ARID1B: variants seen among roughly 807,000 people sequenced by gnomAD.
ARID1B encodes the protein AT-rich interactive domain-containing protein 1B.
A neutral mutation model predicts 212.3 loss-of-function variants in ARID1B; 30 were observed. The ratio of observed to expected loss-of-function variants is 0.14; its 90% CI spans 0.11 to 0.19. The LOEUF (loss-of-function observed/expected upper bound fraction) is 0.19. Among genes scored for constraint, ARID1B ranks in the 10% least tolerant of loss-of-function variants. The probability of loss-of-function intolerance (pLI) is 1.00; values close to 1 mark genes in which losing one functional copy is unlikely to be tolerated. For missense variants in ARID1B, 2,891 were observed against 3,204.0 expected, an observed-to-expected ratio of 0.90 and a Z score of 2.36; for synonymous variants, 1,402 against 1,301.7, an observed-to-expected ratio of 1.08 and a Z score of -1.66.
chr6:156,947,689 AG>A (rs1304476499), intron 4 of ARID1B, among the ~76,000 whole-genome samples: 7 of 151,836 alleles, frequency 4.6e-5, no homozygotes, highest in Admixed American at 1.3e-4. Context: ...ATTTTTAAAA[AG>A]GCCTGTCATT....
intron 5 of ARID1B, among the ~76,000 whole-genome samples, chr6:157,101,797 GATAGA>G (rs1562618913): frequency 6.6e-6 from 1 of 152,156 alleles, no homozygotes; most frequent in African/African-American, 2.4e-5. Context: ...AAATTGGAAG[GATAGA>G]ATGGATCTGA....
chr6:157,106,756 A>G (rs1023981548), intron 5 of ARID1B, among the ~76,000 whole-genome samples: 2 of 152,208 alleles, frequency 1.3e-5, no homozygotes, highest in African/African-American at 4.8e-5. Flanking sequence ...GGTGTTACTC[A>G]TTGGAGGTTA....
chr6:157,000,019 T>TG (rs1778819249), intron 4 of ARID1B, among the ~76,000 whole-genome samples: 1 of 152,128 alleles, frequency 6.6e-6, no homozygotes, highest in Non-Finnish European at 1.5e-5. Flanking sequence ...GCTGATTTCT[T>TG]TTGGGCAGTC....
intron 4 of ARID1B, among the ~76,000 whole-genome samples, chr6:157,026,309 C>T (rs1232538363): frequency 6.6e-6 from 1 of 152,220 alleles, no homozygotes; most frequent in African/African-American, 2.4e-5. Flanking sequence ...ATACTGCTTT[C>T]TGTGGTGTAG....
At chr6:156,911,515 A>G (rs1051977735) in intron 3 of ARID1B, among the ~76,000 whole-genome samples, 4 of 152,034 alleles carry the variant, frequency 2.6e-5, no homozygotes, top group East Asian at 1.9e-4. Flanking sequence ...TGTCCTTGTG[A>G]CAACTAACTA....
At chr6:156,856,672 CCTCTCTCT>C (rs367924636) in intron 2 of ARID1B, among the ~76,000 whole-genome samples, 1 of 108,728 alleles carries the variant, frequency 9.2e-6, no homozygotes, top group Admixed American at 9.0e-5. Flanking sequence ...GCATGCATAT[CCTCTCTCT>C]CTCTCTCTCT....
intron 16 of ARID1B, among the ~76,000 whole-genome samples, chr6:157,197,754 TTA>T (rs1385139061): frequency 2.0e-5 from 3 of 152,288 alleles, no homozygotes; most frequent in Non-Finnish European, 4.4e-5. Context: ...AGAAGAACAA[TTA>T]TCTGGGCTCT....
At chr6:157,018,503 C>T (rs1487713420) in intron 4 of ARID1B, among the ~76,000 whole-genome samples, 1 of 152,130 alleles carries the variant, frequency 6.6e-6, no homozygotes, top group Admixed American at 6.5e-5. Flanking sequence ...CGTGAGCCAC[C>T]GTGCCCGGCA....
intron 2 of ARID1B, among the ~76,000 whole-genome samples, chr6:156,875,989 T>C (rs1426375710): frequency 6.6e-6 from 1 of 152,222 alleles, no homozygotes; most frequent in Non-Finnish European, 1.5e-5. Flanking sequence ...TACTGAAGTG[T>C]ACTGTTGAAT....
chr6:157,186,673 G>T, intron 13 of ARID1B: 1 of 375,060 alleles, frequency 2.7e-6, no homozygotes, highest in Non-Finnish European at 5.5e-6. Context: ...CAAATTTACG[G>T]TAAAAATGTA....
At position 156,955,938 on chromosome 6, in the gene ARID1B, T is replaced by C. The variant is rs1236877962; in HGVS notation, c.2247+20362T>C. 6.6e-6 allele frequency among the ~76,000 whole-genome samples: 1 copy of C among 152,208 alleles called. No homozygotes were observed. Among genetic ancestry groups the C allele is most frequent in the African/African-American group, 2.4e-5 (1 of 41,454 alleles). On this transcript the variant is annotated intron_variant, in intron 4 of 19. Coordinates refer to ENST00000636930, the MANE Select transcript of ARID1B (RefSeq NM_001374828.1). The surrounding 1 kb of genome is among the most constrained non-coding windows in gnomAD (Gnocchi z 4.2). Reference sequence around the variant, plus strand: ...GCCGCGCCTGTTCTATTTCCTCACCTTCCTGTGTTCATCTGTGTATCTGCC... The same window carrying C: ...GCCGCGCCTGTTCTATTTCCTCACCCTCCTGTGTTCATCTGTGTATCTGCC...
chr6:157,008,511 TA>T (rs1270835251), intron 4 of ARID1B, among the ~76,000 whole-genome samples: 1 of 152,192 alleles, frequency 6.6e-6, no homozygotes, highest in Non-Finnish European at 1.5e-5. Context: ...TTTAGGGGGT[TA>T]AAAAACATGG....
In ARID1B at chr6:157,010,859, C is replaced by T. The variant is rs138848360; in HGVS notation, c.2248-73803C>T. Among the ~76,000 whole-genome samples the T allele has an allele frequency of 6.2e-4, 95 of 152,180 alleles. No individual in the cohort carries two copies. In the East Asian group the frequency reaches 0.015, roughly 23 times the overall value. ...AATTGCTACTTTCCTATTTTTCCTT[C>T]TGTAGGAAATCTATAGATTGTGATC... On this transcript the variant is annotated intron_variant, in intron 4 of 19. Coordinates refer to ENST00000636930, the MANE Select transcript of ARID1B (RefSeq NM_001374828.1).
At chr6:156,804,777 T>G (rs1781030439) in intron 1 of ARID1B, among the ~76,000 whole-genome samples, 1 of 146,358 alleles carries the variant, frequency 6.8e-6, no homozygotes, top group African/African-American at 2.5e-5. Context: ...CCTAATCATA[T>G]CAACGTATCA....
intron 1 of ARID1B, among the ~76,000 whole-genome samples, chr6:156,810,558 G>A (rs1206162323): frequency 2.6e-5 from 4 of 152,172 alleles, no homozygotes; most frequent in African/African-American, 7.2e-5. Flanking sequence ...ACAGACAATG[G>A]CAACCAAACC....
intron 12 of ARID1B, among the ~76,000 whole-genome samples, chr6:157,183,455 C>T (rs1021440220): frequency 6.6e-6 from 1 of 152,234 alleles, no homozygotes; most frequent in African/African-American, 2.4e-5. Context: ...CAAAACCTTC[C>T]CCAAGTTATT....
At chr6:157,011,487 C>A (rs1414571517) in intron 4 of ARID1B, among the ~76,000 whole-genome samples, 1 of 152,082 alleles carries the variant, frequency 6.6e-6, no homozygotes, top group African/African-American at 2.4e-5. Context: ...GCATTATTTT[C>A]TGCTATGGGA....
Position 157,148,859 on chromosome 6 carries a change from A to G in ARID1B, c.2997A>G (p.Pro999=). Residue 999 remains proline (P), a synonymous_variant, in exon 8 of 20, where the codon CCA becomes CCG. Coordinates refer to ENST00000636930, the MANE Select transcript of ARID1B (RefSeq NM_001374828.1). This position sits in a 1 kb window ranked among gnomAD's most constrained non-coding sequence, Gnocchi z 5.6. The part of the protein sequence containing the change: ...SSPGMSQQGG[P]GMGPPMPTVN... ...CTGGCATGTCTCAGCAGGGAGGGCC[A>G]GGAATGGGGCCGCCAATGCCAACTG... 1 of 1,613,000 alleles carries G rather than the reference A, an allele frequency of 6.2e-7. No homozygotes were observed. The highest frequency in any genetic ancestry group is 8.5e-7 in the Non-Finnish European group (1 of 1,180,004).
chr6:157,201,107 A>G lies in ARID1B; in HGVS notation c.4882A>G (p.Arg1628Gly). 3 of 1,614,202 alleles carry G rather than the reference A, an allele frequency of 1.9e-6. No homozygotes were observed. The highest frequency in any genetic ancestry group is 2.5e-6 in the Non-Finnish European group (3 of 1,180,018). ...RTDDMMVPDQRINHESQWPSH... is the reference protein window; with the variant it reads ...RTDDMMVPDQGINHESQWPSH... ...AGACGATATGATGGTACCCGATCAG[A>G]GGATAAATCATGAGAGCCAGTGGCC... Residue 1628 changes from arginine (R) to glycine (G), a missense_variant, in exon 18 of 20, where the codon AGG becomes GGG. Transcript: ENST00000636930. The surrounding 1 kb of genome is among the most constrained non-coding windows in gnomAD (Gnocchi z 5.2).
Sources: gnomAD v4.1 joint callset for allele counts (sites outside exome capture counted in the v4.1 genomes callset) on GRCh38, gnomAD v4.1.1 for gene constraint, Gnocchi (gnomAD v3.1) non-coding constraint, MANE v1.5 for transcripts, NCBI Gene and HGNC (gene_info 2026-07-23, HGNC 2026-07-21) for gene names.